RAP1GDS1: variants seen among roughly 807,000 people sequenced by gnomAD.
The protein encoded by RAP1GDS1 is Rap1 GTPase-GDP dissociation stimulator 1.
RAP1GDS1 carries 35 observed loss-of-function variants against 71.1 expected under a neutral mutation model. The observed-to-expected ratio is 0.49, with a 90% CI of 0.38 to 0.65. The LOEUF (loss-of-function observed/expected upper bound fraction) is 0.65. RAP1GDS1 is among the 30% of genes least tolerant of loss of function. The pLI, the probability that RAP1GDS1 is intolerant of heterozygous loss-of-function variation, is 0.00. For synonymous variants in RAP1GDS1, 229 were observed against 243.1 expected, an observed-to-expected ratio of 0.94 and a Z score of 0.54; for missense variants, 663 against 706.1, an observed-to-expected ratio of 0.94 and a Z score of 0.69.
intron 1 of RAP1GDS1, among the ~76,000 whole-genome samples, chr4:98,262,753 G>T (rs1408220650): frequency 6.6e-6 from 1 of 152,220 alleles, no homozygotes; most frequent in Non-Finnish European, 1.5e-5. Context: ...CACGTTCAGA[G>T]TTAGGTGGTG....
rs1227477447 is a variant in RAP1GDS1 at position 98,420,119 on chromosome 4, A to G, written c.1275A>G (p.Thr425=). The change falls in exon 11 of 15, where the codon ACA becomes ACG. Residue 425 remains threonine, a synonymous_variant. Transcript: ENST00000408927. Reference sequence around the variant, plus strand: ...CTGTTCAGTTCAAACTTCTGGGAACATTAAGAATGTTAATAGATGCACAAG... The same window carrying G: ...CTGTTCAGTTCAAACTTCTGGGAACGTTAAGAATGTTAATAGATGCACAAG... ...MPPVQFKLLG[T]LRMLIDAQAE... 1 of 1,580,620 alleles carries G rather than the reference A, an allele frequency of 6.3e-7. No individual in the cohort carries two copies. The highest frequency in any genetic ancestry group is 1.2e-5 in the South Asian group (1 of 83,410).
chr4:98,425,476 T>C (rs1325717285), intron 12 of RAP1GDS1, among the ~76,000 whole-genome samples: 1 of 152,198 alleles, frequency 6.6e-6, no homozygotes, highest in Non-Finnish European at 1.5e-5. Context: ...AACTATCTGC[T>C]GCCTTTAAGA....
intron 4 of RAP1GDS1, among the ~76,000 whole-genome samples, chr4:98,373,401 C>T (rs1286074215): frequency 6.6e-6 from 1 of 151,642 alleles, no homozygotes; most frequent in Non-Finnish European, 1.5e-5. Flanking sequence ...CCCTCTCCCT[C>T]TCTCTCCCTC....
chr4:98,366,917 G>A (rs4593139), intron 4 of RAP1GDS1, among the ~76,000 whole-genome samples: 10,154 of 152,228 alleles, frequency 0.067, 390 homozygotes, highest in Admixed American at 0.14. Flanking sequence ...TATGCAGCCT[G>A]ACTATGTGAC....
At chr4:98,433,753 A>G (rs1224111729) in intron 12 of RAP1GDS1, among the ~76,000 whole-genome samples, 183 bp from the exon 13 acceptor site, 1 of 152,144 alleles carries the variant, frequency 6.6e-6, no homozygotes, top group Non-Finnish European at 1.5e-5. Context: ...TCATCTTTTG[A>G]TGAATGTATT....
chr4:98,376,045 ACT>A (rs1209443712), intron 4 of RAP1GDS1, among the ~76,000 whole-genome samples: 2 of 151,852 alleles, frequency 1.3e-5, no homozygotes, highest in African/African-American at 4.8e-5. Context: ...AAGTGCAGTA[ACT>A]CTTTAGATTT....
At chr4:98,301,310 TAAAG>T (rs1728556809) in intron 2 of RAP1GDS1, among the ~76,000 whole-genome samples, 1 of 152,160 alleles carries the variant, frequency 6.6e-6, no homozygotes, top group Non-Finnish European at 1.5e-5. Flanking sequence ...TTTTACCAAA[TAAAG>T]ACAGCATTTG....
intron 12 of RAP1GDS1, among the ~76,000 whole-genome samples, chr4:98,425,532 A>G (rs1749494767): frequency 6.6e-6 from 1 of 152,226 alleles, no homozygotes; most frequent in South Asian, 2.1e-4. Flanking sequence ...AGGGGTGGAA[A>G]AAGACATTCT....
Position 98,350,229 on chromosome 4 carries a change from A to G in RAP1GDS1, c.236-2247A>G, listed in dbSNP as rs115468615. On this transcript the variant is annotated intron_variant, in intron 3 of 14. Transcript: ENST00000408927. ...TGTTGCCATTGCCTGAATAGCAATAACAAAACAAGCAAAATAATAAGATAA... is the reference window on the plus strand; with the variant it reads ...TGTTGCCATTGCCTGAATAGCAATAGCAAAACAAGCAAAATAATAAGATAA... Among the ~76,000 whole-genome samples the G allele has an allele frequency of 9.9e-3, 1,515 of 152,354 alleles. 20 individuals carry two copies. The highest frequency in any genetic ancestry group is 0.033 in the African/African-American group (1,354 of 41,578).
intron 2 of RAP1GDS1, 65 bp downstream of exon 2, chr4:98,293,580 TG>T: frequency 8.9e-7 from 1 of 1,126,438 alleles, no homozygotes; most frequent in African/African-American, 1.6e-5. Flanking sequence ...ATTCAGAAAC[TG>T]GTATGTAGTT....
chr4:98,380,707 A>T (rs956675989), intron 5 of RAP1GDS1, among the ~76,000 whole-genome samples: 1 of 151,770 alleles, frequency 6.6e-6, no homozygotes, highest in African/African-American at 2.4e-5. Flanking sequence ...CATTGGTCAG[A>T]TTTTCATATT....
intron 4 of RAP1GDS1, among the ~76,000 whole-genome samples, chr4:98,367,249 G>T (rs1739633225): frequency 6.6e-6 from 1 of 152,220 alleles, no homozygotes; most frequent in African/African-American, 2.4e-5. Context: ...AGCCTTGGCA[G>T]CTTCTATGTG....
intron 1 of RAP1GDS1, among the ~76,000 whole-genome samples, chr4:98,283,250 A>C (rs1015529018): frequency 6.6e-5 from 10 of 152,200 alleles, no homozygotes; most frequent in African/African-American, 2.2e-4. Context: ...TATAAGCTAC[A>C]TTTGGTCTCC....
intron 2 of RAP1GDS1, among the ~76,000 whole-genome samples, chr4:98,295,378 A>G (rs1727586531): frequency 6.6e-6 from 1 of 152,074 alleles, no homozygotes; most frequent in African/African-American, 2.4e-5. Flanking sequence ...ATCTGAAACA[A>G]AATTTATAAA....
intron 4 of RAP1GDS1, among the ~76,000 whole-genome samples, chr4:98,363,694 G>A (rs2110448189): frequency 6.6e-6 from 1 of 152,172 alleles, no homozygotes; most frequent in East Asian, 1.9e-4. Context: ...GGCAAGAAGT[G>A]ACATGATCTG....
intron 1 of RAP1GDS1, among the ~76,000 whole-genome samples, chr4:98,264,381 A>G (rs1318815118): frequency 6.6e-6 from 1 of 152,102 alleles, no homozygotes; most frequent in Non-Finnish European, 1.5e-5. Context: ...GGGCAACAAG[A>G]GGGAAACTCT....
intron 2 of RAP1GDS1, among the ~76,000 whole-genome samples, chr4:98,302,402 T>G (rs1237371335): frequency 5.9e-5 from 9 of 151,964 alleles, no homozygotes; most frequent in Admixed American, 5.9e-4. Context: ...GATTGAAAAT[T>G]TAAAAAGGGG....
At chr4:98,330,016 G>T (rs568288314) in intron 2 of RAP1GDS1, among the ~76,000 whole-genome samples, 4 of 152,150 alleles carry the variant, frequency 2.6e-5, no homozygotes, top group African/African-American at 9.6e-5. Flanking sequence ...TGGAGAGAAG[G>T]TCAGCAGATA....
intron 2 of RAP1GDS1, among the ~76,000 whole-genome samples, chr4:98,334,954 G>C (rs898917101): frequency 2.0e-5 from 3 of 150,820 alleles, no homozygotes. Context: ...AAGGTAGAAG[G>C]CTTTACATGT....
Sources: allele counts gnomAD v4.1 joint callset (sites outside exome capture counted in the v4.1 genomes callset), GRCh38; gene constraint gnomAD v4.1.1; transcripts MANE v1.5; gene names NCBI Gene and HGNC (gene_info 2026-07-23, HGNC 2026-07-21).